Variants in ANGPT4 observed in about 807,000 individuals in gnomAD.
The protein encoded by ANGPT4 is angiopoietin-4.
A neutral mutation model predicts 53.0 loss-of-function variants in ANGPT4; 50 were observed. The ratio of observed to expected loss-of-function variants is 0.94; its 90% CI spans 0.75 to 1.20. ANGPT4 has a LOEUF of 1.20. Among genes scored for constraint, ANGPT4 ranks in the 50% most tolerant of loss-of-function variants. The pLI, the probability that ANGPT4 is intolerant of heterozygous loss-of-function variation, is 0.00. For missense variants in ANGPT4, 648 were observed against 637.1 expected, an observed-to-expected ratio of 1.02 and a Z score of -0.18; for synonymous variants, 251 against 259.7, an observed-to-expected ratio of 0.97 and a Z score of 0.32.
rs918727373 is a variant in ANGPT4, at chr20:910,685, C to T, written c.309+5221G>A. 7.9e-5 allele frequency among the ~76,000 whole-genome samples: 12 copies of T among 152,324 alleles called. No individual in the cohort carries two copies. The East Asian group carries it at 1.4e-3, about 17-fold the overall frequency. On this transcript the variant is annotated intron_variant, in intron 1 of 8. Coordinates refer to ENST00000381922, the MANE Select transcript of ANGPT4 (RefSeq NM_015985.4). ...GTGTACATCCCAGCCTGGCTGAGCT[C>T]TAAGGCCAGGGAGGAGAGAACTAGA...
intron 5 of ANGPT4, among the ~76,000 whole-genome samples, chr20:880,528 C>T (rs995699160): frequency 5.3e-5 from 8 of 151,774 alleles, no homozygotes; most frequent in Non-Finnish European, 2.9e-5. Context: ...GTCAAGGCTG[C>T]AGTGAGCTGT....
At chr20:907,871 T>C (rs1982538447) in intron 1 of ANGPT4, among the ~76,000 whole-genome samples, 1 of 152,202 alleles carries the variant, frequency 6.6e-6, no homozygotes, top group South Asian at 2.1e-4. Context: ...CAGGCCTTTC[T>C]GCCTGTACGA....
At chr20:896,632 A>G (rs1568845731) in intron 1 of ANGPT4, among the ~76,000 whole-genome samples, 1 of 152,352 alleles carries the variant, frequency 6.6e-6, no homozygotes, top group East Asian at 1.9e-4. Context: ...AACTGCAGAT[A>G]AAAATCAATG....
rs76859361 is a variant in ANGPT4 at position 887,075 on chromosome 20, G to A, written c.587+1243C>T. Among the ~76,000 whole-genome samples the A allele has an allele frequency of 5.9e-3, 893 of 152,300 alleles. 14 individuals are homozygous for A. Among genetic ancestry groups the A allele is most frequent in the African/African-American group, 0.02 (849 of 41,564 alleles). ...AGGAACAGTGGCTACCTCTGGCTTGGGTGGGTGGCTGAGAGACAGGGCTGG... is the reference window on the plus strand; with the variant it reads ...AGGAACAGTGGCTACCTCTGGCTTGAGTGGGTGGCTGAGAGACAGGGCTGG... On this transcript the variant is annotated intron_variant, in intron 3 of 8. Coordinates refer to ENST00000381922, the MANE Select transcript of ANGPT4 (RefSeq NM_015985.4).
At chr20:890,477 G>A (rs1263781162) in intron 1 of ANGPT4, 109 bp from the exon 2 acceptor site, 5 of 1,012,204 alleles carry the variant, frequency 4.9e-6, no homozygotes, top group Non-Finnish European at 5.7e-6. Flanking sequence ...GGCCTCCCTG[G>A]CTCAGAACAT....
chr20:891,959 A>T (rs6118112), intron 1 of ANGPT4, among the ~76,000 whole-genome samples: 27,473 of 151,916 alleles, frequency 0.18, 4,243 homozygotes, highest in African/African-American at 0.42. Context: ...TGCCCAGCCA[A>T]CTGTGGTTAA....
At chr20:915,236 G>A (rs1165268864) in intron 1 of ANGPT4, among the ~76,000 whole-genome samples, 1 of 139,974 alleles carries the variant, frequency 7.1e-6, no homozygotes, top group Admixed American at 6.8e-5. Flanking sequence ...CCCCCCCCCA[G>A]CTGCATGGCC....
Position 874,365 on chromosome 20 carries a change from C to A in ANGPT4, c.1270G>T (p.Val424Phe). The A allele has an allele frequency of 6.2e-7, 1 of 1,614,128 alleles. No individual in the cohort carries two copies. Among genetic ancestry groups the A allele is most frequent in the Non-Finnish European group, 8.5e-7 (1 of 1,180,036 alleles). Reference protein sequence around the residue: ...SGSAGRQSSLVLQNTSFSTLD... With the variant: ...SGSAGRQSSLFLQNTSFSTLD... The stretch of plus-strand genomic sequence containing the variant: ...GTGCTAAAGCTGGTGTTCTGCAGGA[C>A]CAGGCTGCTCTGGCGCCCTGCTGAG... The change falls in exon 8 of 9, where the codon GTC becomes TTC. Residue 424 changes from valine to phenylalanine, a missense_variant. Coordinates refer to ENST00000381922, the MANE Select transcript of ANGPT4 (RefSeq NM_015985.4).
At chr20:896,610 A>G (rs1267923204) in intron 1 of ANGPT4, among the ~76,000 whole-genome samples, 1 of 152,226 alleles carries the variant, frequency 6.6e-6, no homozygotes, top group Admixed American at 6.5e-5. Flanking sequence ...TGTTTGGGAA[A>G]TGCATCTTGT....
chr20:900,491 G>A lies in ANGPT4; in HGVS notation c.310-10123C>T, dbSNP rs1049157571. ...TCCTCTGTGGATCCTCTACCTACAT[G>A]TGTCTACCTGCTAATTGGACAGGCA... is the stretch of plus-strand genomic sequence containing the variant. On this transcript the variant is annotated intron_variant, in intron 1 of 8. Coordinates refer to ENST00000381922, the MANE Select transcript of ANGPT4 (RefSeq NM_015985.4). Among the ~76,000 whole-genome samples the A allele has an allele frequency of 1.6e-4, 24 of 152,044 alleles. 1 individual carries two copies. Among genetic ancestry groups the A allele is most frequent in the African/African-American group, 4.8e-4 (20 of 41,378 alleles).
chr20:900,084 A>G (rs1044121063), intron 1 of ANGPT4, among the ~76,000 whole-genome samples: 3 of 151,932 alleles, frequency 2.0e-5, no homozygotes, highest in African/African-American at 7.3e-5. Flanking sequence ...TCCTTTCATA[A>G]CCTCTTCTAT....
rs1014898 is a variant in ANGPT4, at chr20:914,888, T to C, written c.309+1018A>G. On this transcript the variant is annotated intron_variant, in intron 1 of 8. Transcript: ENST00000381922. The surrounding 1 kb of genome is among the most constrained non-coding windows in gnomAD (Gnocchi z 5.0). ...TGAAAGACGAAAGCATGACAGGGCA[T>C]TCTACAGCAGCCCTGGTCTTGGGCC... 0.15 allele frequency among the ~76,000 whole-genome samples: 23,116 copies of C among 152,128 alleles called. 2,201 individuals are homozygous for C. The highest frequency in any genetic ancestry group is 0.27 in the African/African-American group (11,171 of 41,468).
chr20:901,428 C>T (rs975788080), intron 1 of ANGPT4, among the ~76,000 whole-genome samples: 3 of 152,148 alleles, frequency 2.0e-5, no homozygotes, highest in African/African-American at 7.2e-5. Context: ...AGAGAACAAC[C>T]CCCTTTAACG....
intron 1 of ANGPT4, among the ~76,000 whole-genome samples, chr20:893,251 T>A (rs1182753079): frequency 3.3e-5 from 5 of 152,342 alleles, no homozygotes; most frequent in Admixed American, 3.3e-4. Context: ...TGAGAGTCAT[T>A]ACCAATAGAA....
chr20:909,881 T>C (rs1018774964), intron 1 of ANGPT4, among the ~76,000 whole-genome samples: 3 of 152,186 alleles, frequency 2.0e-5, no homozygotes, highest in Admixed American at 2.0e-4. Flanking sequence ...CCTTAGCTTT[T>C]CAGAACGGCC....
chr20:890,827 T>G (rs1981816562), intron 1 of ANGPT4, among the ~76,000 whole-genome samples: 1 of 152,080 alleles, frequency 6.6e-6, no homozygotes, highest in Non-Finnish European at 1.5e-5. Flanking sequence ...ATGACATCCC[T>G]CTAACGAAGC....
rs1482422081 is a variant in ANGPT4 at position 870,827 on chromosome 20, GGACAAACATTTATTAGGCA to G, written c.*2114_*2132del. ...TTCCTCACCCCATTCTCCTCTTTGA[GGACAAACATTTATTAGGCA>G]CCTGCTTCATGCCAGGCTCTATTAA... On this transcript the variant is annotated 3_prime_UTR_variant, in exon 9 of 9. Coordinates refer to ENST00000381922, the MANE Select transcript of ANGPT4 (RefSeq NM_015985.4). 1 of 152,186 alleles carries G rather than the reference GGACAAACATTTATTAGGCA, an allele frequency of 6.6e-6. No homozygotes were observed. The highest frequency in any genetic ancestry group is 1.5e-5 in the Non-Finnish European group (1 of 68,044). The allele number at this position is 152,186 out of a possible 1,614,324, so 9.4% of individuals were successfully genotyped here. A position where few individuals can be genotyped will look rare whatever the true frequency, so the allele number is the denominator to read the frequency against.
In ANGPT4 at chr20:888,201, G is replaced by C. The variant is rs1001194211; in HGVS notation, c.587+117C>G. ...TATCCCAGACACCAGCCCACGTCCA[G>C]CTTCCGGTCCTGGCTCCAGCCCCAG... On this transcript the variant is annotated intron_variant, in intron 3 of 8. Coordinates refer to ENST00000381922, the MANE Select transcript of ANGPT4 (RefSeq NM_015985.4). The C allele has an allele frequency of 1.4e-5, 19 of 1,388,688 alleles. No homozygotes were observed. In the African/African-American group the frequency reaches 2.3e-4, roughly 17 times the overall value. The allele number at this position is 1,388,688 out of a possible 1,614,324, so 86.0% of individuals were successfully genotyped here. A position where few individuals can be genotyped will look rare whatever the true frequency, so the allele number is the denominator to read the frequency against.
At chr20:874,806 G>C (rs2122753842) in intron 7 of ANGPT4, among the ~76,000 whole-genome samples, 1 of 152,230 alleles carries the variant, frequency 6.6e-6, no homozygotes, top group Admixed American at 6.5e-5. Context: ...TTGACCTCTT[G>C]GGCTCAAGCA....
Sources: gnomAD v4.1 joint callset for allele counts (sites outside exome capture counted in the v4.1 genomes callset) on GRCh38, gnomAD v4.1.1 for gene constraint, Gnocchi (gnomAD v3.1) non-coding constraint, MANE v1.5 for transcripts, NCBI Gene and HGNC (gene_info 2026-07-23, HGNC 2026-07-21) for gene names.